Variants in NEBL observed in about 807,000 individuals in gnomAD.
The protein encoded by NEBL is nebulette, also known as LIM and SH3 protein 2.
NEBL carries 122 observed loss-of-function variants against 140.2 expected under a neutral mutation model. The observed-to-expected ratio is 0.87, with a 90% CI of 0.75 to 1.01. The LOEUF is 1.01. NEBL is among the 50% of genes least tolerant of loss of function. The pLI is 0.00. For missense variants in NEBL, 1,365 were observed against 1,231.3 expected (o/e 1.11, Z -1.62); for synonymous variants, 436 against 398.9 (o/e 1.09, Z -1.11).
chr10:21,139,368 A>G (rs1839506819), intron 2 of NEBL, among the ~76,000 whole-genome samples: 2 of 152,188 alleles, frequency 1.3e-5, no homozygotes, highest in South Asian at 4.1e-4. Flanking sequence ...GAAATGCAGA[A>G]TGTAATCAAG....
intron 2 of NEBL, among the ~76,000 whole-genome samples, chr10:20,891,205 T>C (rs1846997724): frequency 6.6e-6 from 1 of 152,248 alleles, no homozygotes; most frequent in Non-Finnish European, 1.5e-5. Flanking sequence ...GCTGTGACTC[T>C]TGGATATCAG....
In NEBL at chr10:20,856,070, A is replaced by G. The variant is rs1008014875; in HGVS notation, c.903+2170T>C. Among the ~76,000 whole-genome samples the G allele has an allele frequency of 2.0e-5, 3 of 152,220 alleles. No individual in the cohort carries two copies. In the South Asian group the frequency reaches 6.2e-4, roughly 31 times the overall value. ...CTTTATACAATGTACACAACTTTGT[A>G]AGGAGACACTTCAAAAGGAACACAT... On this transcript the variant is annotated intron_variant, in intron 9 of 27. Transcript: ENST00000377122.
At chr10:20,818,985 T>C (rs1000308016) in intron 20 of NEBL, 4 of 956,560 alleles carry the variant, frequency 4.2e-6, no homozygotes, top group Non-Finnish European at 5.0e-6. Context: ...ACAAAAGAAT[T>C]AATGCTGCAT....
At chr10:21,061,145 A>G (rs931997235) in intron 2 of NEBL, among the ~76,000 whole-genome samples, 2 of 151,652 alleles carry the variant, frequency 1.3e-5, no homozygotes, top group Non-Finnish European at 2.9e-5. Context: ...CCCCTTTTTT[A>G]TATATGATAC....
At chr10:21,033,732 T>C in intron 2 of NEBL, among the ~76,000 whole-genome samples, 1 of 127,736 alleles carries the variant, frequency 7.8e-6, no homozygotes. Flanking sequence ...AGAGCGAGAC[T>C]TTGTCTCCGA....
intron 16 of NEBL, among the ~76,000 whole-genome samples, chr10:20,830,312 A>AC (rs957514273): frequency 1.1e-3 from 172 of 152,282 alleles, no homozygotes; most frequent in African/African-American, 3.9e-3. Flanking sequence ...ATTTTAAATA[A>AC]CCATTTTCAT....
intron 4 of NEBL, among the ~76,000 whole-genome samples, chr10:20,955,104 C>T (rs1348131051): frequency 6.6e-6 from 1 of 152,204 alleles, no homozygotes; most frequent in Non-Finnish European, 1.5e-5. Context: ...AGTCAAGAGA[C>T]TATTCCCACA....
At chr10:21,127,440 G>C (rs1184755115) in intron 2 of NEBL, among the ~76,000 whole-genome samples, 1 of 152,010 alleles carries the variant, frequency 6.6e-6, no homozygotes, top group African/African-American at 2.4e-5. Context: ...TGGTGGACCA[G>C]GTATACAGCT....
At chr10:20,915,923 C>T (rs1848536737) in intron 4 of NEBL, among the ~76,000 whole-genome samples, 2 of 152,178 alleles carry the variant, frequency 1.3e-5, no homozygotes, top group Non-Finnish European at 2.9e-5. Flanking sequence ...ATTCAACGAA[C>T]ATTCTATTTA....
intron 2 of NEBL, among the ~76,000 whole-genome samples, chr10:21,040,225 G>T: frequency 6.6e-6 from 1 of 152,186 alleles, no homozygotes; most frequent in East Asian, 1.9e-4. Flanking sequence ...AATTAGCTGG[G>T]TATGGTGGCG....
intron 4 of NEBL, among the ~76,000 whole-genome samples, chr10:20,938,320 G>C (rs565475910): frequency 6.6e-6 from 1 of 152,200 alleles, no homozygotes; most frequent in Non-Finnish European, 1.5e-5. Flanking sequence ...CTGATACCCA[G>C]GGAAACACGG....
chr10:20,876,539 G>T (rs995759676), intron 5 of NEBL, among the ~76,000 whole-genome samples: 1 of 152,006 alleles, frequency 6.6e-6, no homozygotes, highest in Non-Finnish European at 1.5e-5. Flanking sequence ...ATTGTTTACT[G>T]ATAAGTTTTT....
At chr10:21,235,485 T>C (rs1842335998) in intron 3 of NEBL, among the ~76,000 whole-genome samples, 1 of 152,110 alleles carries the variant, frequency 6.6e-6, no homozygotes, top group South Asian at 2.1e-4. Context: ...CAGCTAATTT[T>C]TGTATTGTTG....
At chr10:21,221,381 G>GC (rs201674656) in intron 3 of NEBL, among the ~76,000 whole-genome samples, 1,883 of 152,262 alleles carry the variant, frequency 0.012, 21 homozygotes, top group Middle Eastern at 0.02. Context: ...TGAGAGCTAA[G>GC]CCCCTGCAGT....
At position 20,782,044 on chromosome 10, in the gene NEBL, GCTCAA is replaced by G. The variant is rs1372936636; in HGVS notation, c.*3698_*3702del. 7.2e-5 allele frequency: 11 copies of G among 152,498 alleles called. No individual in the cohort carries two copies. The highest frequency in any genetic ancestry group is 2.7e-4 in the African/African-American group (11 of 41,462). The allele number at this position is 152,498 out of a possible 1,614,324, so 9.4% of individuals were successfully genotyped here. A position where few individuals can be genotyped will look rare whatever the true frequency, so the allele number is the denominator to read the frequency against. The stretch of plus-strand genomic sequence containing the variant: ...CAAATCTAAAGTTAATGTTTATATA[GCTCAA>G]CTCTATATAAATCCACAAAGAACCT... On this transcript the variant is annotated 3_prime_UTR_variant, in exon 28 of 28. Transcript: ENST00000377122.
intron 18 of NEBL, 135 bp downstream of exon 18, chr10:20,826,312 T>A: frequency 2.7e-6 from 2 of 740,418 alleles, no homozygotes; most frequent in Non-Finnish European, 4.7e-6. Context: ...AGATCTTTGA[T>A]ATATGATGAA....
intron 2 of NEBL, among the ~76,000 whole-genome samples, chr10:20,896,494 A>ATATATATATATG (rs1437821395): frequency 1.5e-5 from 1 of 67,256 alleles, no homozygotes; most frequent in African/African-American, 5.5e-5. Context: ...ATATATATAT[A>ATATATATATATG]TATATATATA....
At chr10:20,947,690 C>CACACAT (rs1467285763) in intron 4 of NEBL, among the ~76,000 whole-genome samples, 5 of 150,898 alleles carry the variant, frequency 3.3e-5, no homozygotes, top group African/African-American at 1.2e-4. Context: ...ATCACACACA[C>CACACAT]ACACACACAC....
chr10:21,290,801 A>AC (rs1279843606), intron 1 of NEBL, among the ~76,000 whole-genome samples: 1 of 151,572 alleles, frequency 6.6e-6, no homozygotes, highest in Non-Finnish European at 1.5e-5. Flanking sequence ...AAGTACCTAC[A>AC]CCCCCCATTT....
Sources: allele counts gnomAD v4.1 joint callset (sites outside exome capture counted in the v4.1 genomes callset), GRCh38; gene constraint gnomAD v4.1.1; transcripts MANE v1.5; gene names NCBI Gene and HGNC (gene_info 2026-07-23, HGNC 2026-07-21).